The following DCAF5 variants were observed in gnomAD, a reference collection of about 807,000 sequenced individuals.
DCAF5 encodes DDB1 and CUL4 associated factor 5.
DCAF5 carries 9 observed loss-of-function variants against 80.7 expected under a neutral mutation model. The observed-to-expected ratio is 0.11, with a 90% confidence interval of 0.07 to 0.19. The LOEUF (loss-of-function observed/expected upper bound fraction) is 0.19, where lower values mean the gene tolerates loss of function less well. DCAF5 is among the 10% of genes least tolerant of loss of function. The pLI is 1.00. For missense variants in DCAF5, 842 were observed against 1,205.7 expected, an observed-to-expected ratio of 0.70 and a Z score of 4.47; for synonymous variants, 433 against 461.9, an observed-to-expected ratio of 0.94 and a Z score of 0.80.
intron 7 of DCAF5, among the ~76,000 whole-genome samples, chr14:69,063,791 A>G (rs1036226317): frequency 1.3e-5 from 2 of 152,142 alleles, no homozygotes; most frequent in Admixed American, 6.6e-5. Context: ...TGCCACGTAC[A>G]TATCTTTTTT....
chr14:69,122,683 C>T (rs1419687065), intron 1 of DCAF5, among the ~76,000 whole-genome samples: 1 of 152,182 alleles, frequency 6.6e-6, no homozygotes, highest in Admixed American at 6.5e-5. Flanking sequence ...CTACCTAGAA[C>T]CCCTTCATGG....
chr14:69,053,698 T>C lies in DCAF5; in HGVS notation c.*159A>G, dbSNP rs1332373519. On this transcript the variant is annotated 3_prime_UTR_variant, in exon 9 of 9. Coordinates refer to ENST00000341516, the MANE Select transcript of DCAF5 (RefSeq NM_003861.3). ...GCCAGCTAGACATTCAGACCCGTTG[T>C]TGAATGTTGGATAGAAGGGAGCAGC... 15 of 661,262 alleles carry C rather than the reference T, an allele frequency of 2.3e-5. No individual in the cohort carries two copies. The highest frequency in any genetic ancestry group is 1.3e-4 in the South Asian group (6 of 47,174). The allele number at this position is 661,262 out of a possible 1,614,324, so 41.0% of individuals were successfully genotyped here. A position where few individuals can be genotyped will look rare whatever the true frequency, so the allele number is the denominator to read the frequency against.
intron 1 of DCAF5, among the ~76,000 whole-genome samples, chr14:69,142,281 G>A (rs1051817283): frequency 3.9e-5 from 6 of 152,216 alleles, no homozygotes; most frequent in African/African-American, 1.2e-4. Flanking sequence ...CTGAGCAACA[G>A]AGCATGAATA....
At position 69,054,054 on chromosome 14, in the gene DCAF5, G is replaced by T; in HGVS notation, c.2632C>A (p.Leu878Ile). 1.2e-6 allele frequency: 2 copies of T among 1,614,068 alleles called. No individual in the cohort carries two copies. Among genetic ancestry groups the T allele is most frequent in the Non-Finnish European group, 1.7e-6 (2 of 1,179,920 alleles). Residue 878 changes from leucine (L) to isoleucine (I), a missense_variant, in exon 9 of 9, where the codon CTC becomes ATC. Leu to Ile is a conservative substitution (Grantham distance 5). This residue lies in a region of DCAF5 where 607 missense variants were observed against 656.6 expected (regional missense o/e 0.92). Coordinates refer to ENST00000341516, the MANE Select transcript of DCAF5 (RefSeq NM_003861.3). ...DRDNSSLTGT[L>I]LHKDCCGSEM... The stretch of plus-strand genomic sequence containing the variant: ...GACCCGCAACAATCTTTGTGTAGGA[G>T]TGTCCCTGTCAGGGACGAGTTATCA...
At chr14:69,144,920 G>C (rs1202543658) in intron 1 of DCAF5, among the ~76,000 whole-genome samples, 1 of 152,148 alleles carries the variant, frequency 6.6e-6, no homozygotes, top group Non-Finnish European at 1.5e-5. Flanking sequence ...TCCCTTTCCT[G>C]TAAAATGAAA....
Position 69,052,625 on chromosome 14 carries a change from T to G in DCAF5, c.*1232A>C, listed in dbSNP as rs975860626. Reference sequence around the variant, plus strand: ...CTGTATCTACCTCAATAAAACTGAGTCTTTTATGGGAACCAGAAGACTTAA... The same window carrying G: ...CTGTATCTACCTCAATAAAACTGAGGCTTTTATGGGAACCAGAAGACTTAA... On this transcript the variant is annotated 3_prime_UTR_variant, in exon 9 of 9. Coordinates refer to ENST00000341516, the MANE Select transcript of DCAF5 (RefSeq NM_003861.3). The G allele has an allele frequency of 6.6e-6, 1 of 152,236 alleles. No homozygotes were observed. Among genetic ancestry groups the G allele is most frequent in the African/African-American group, 2.4e-5 (1 of 41,406 alleles). 9.4% of individuals were successfully genotyped at this position (152,236 alleles called of 1,614,324 possible).
intron 7 of DCAF5, among the ~76,000 whole-genome samples, chr14:69,065,123 A>C (rs2038382229): frequency 9.6e-6 from 1 of 103,912 alleles, no homozygotes. Context: ...TTTGAGACGG[A>C]GTCTTGCTCT....
intron 5 of DCAF5, among the ~76,000 whole-genome samples, chr14:69,101,886 TA>T (rs1311452172): frequency 1.3e-5 from 2 of 152,020 alleles, no homozygotes; most frequent in Non-Finnish European, 2.9e-5. Context: ...ATAAAAGATT[TA>T]AAAAAATGGT....
chr14:69,064,129 A>T (rs76700614), intron 7 of DCAF5, among the ~76,000 whole-genome samples: 6,368 of 152,256 alleles, frequency 0.042, 171 homozygotes, highest in African/African-American at 0.075. Context: ...AAGCTGGGCC[A>T]GTCAAAATGA....
At position 69,055,163 on chromosome 14, in the gene DCAF5, G is replaced by A. The variant is rs2037912271; in HGVS notation, c.1523C>T (p.Ser508Phe). The change falls in exon 9 of 9, where the codon TCT (serine) becomes TTT (phenylalanine). Residue 508 changes from serine (S) to phenylalanine (F), a missense_variant. By Grantham distance (155) the Ser-to-Phe change is radical (BLOSUM62 -2). Coordinates refer to ENST00000341516, the MANE Select transcript of DCAF5 (RefSeq NM_003861.3). The surrounding 1 kb of genome is among the most constrained non-coding windows in gnomAD (Gnocchi z 5.6). ...CAGAGCAGACAGACGCTGCTGGCGA[G>A]AGGCTGCATCCTCACACGTGGGTGT... ...PPTPTCEDAA[S>F]RQQRLSALRR... 1.9e-6 allele frequency: 3 copies of A among 1,614,158 alleles called. No individual in the cohort carries two copies. Among genetic ancestry groups the A allele is most frequent in the East Asian group, 2.2e-5 (1 of 44,902 alleles).
intron 6 of DCAF5, among the ~76,000 whole-genome samples, chr14:69,080,335 C>T (rs2039055557): frequency 6.6e-6 from 1 of 151,872 alleles, no homozygotes; most frequent in Non-Finnish European, 1.5e-5. Flanking sequence ...TCTAGGCGGG[C>T]CATCTTACAA....
intron 5 of DCAF5, among the ~76,000 whole-genome samples, chr14:69,105,048 T>A (rs11158788): frequency 0.63 from 95,928 of 151,600 alleles, 31,281 homozygotes; most frequent in East Asian, 0.9. Flanking sequence ...GTTTTTTTTT[T>A]AATTATCTTT....
intron 1 of DCAF5, among the ~76,000 whole-genome samples, chr14:69,134,470 A>T (rs541736691): frequency 2.8e-4 from 42 of 152,360 alleles, no homozygotes; most frequent in Non-Finnish European, 5.1e-4. Flanking sequence ...AACTTCTGAA[A>T]TTTGGAGAAC....
intron 5 of DCAF5, among the ~76,000 whole-genome samples, chr14:69,106,993 G>A (rs1214193816): frequency 6.6e-6 from 1 of 152,152 alleles, no homozygotes. Flanking sequence ...AGTGAGCCGA[G>A]ATTGCACCAC....
intron 5 of DCAF5, among the ~76,000 whole-genome samples, chr14:69,103,280 A>G (rs2040027372): frequency 1.3e-5 from 2 of 152,230 alleles, no homozygotes; most frequent in African/African-American, 2.4e-5. Context: ...ACCAAGAAGA[A>G]GTTCTGGAAG....
chr14:69,062,369 G>A lies in DCAF5; in HGVS notation c.1074+15C>T. On this transcript the variant is annotated intron_variant, in intron 8 of 8. Coordinates refer to ENST00000341516, the MANE Select transcript of DCAF5 (RefSeq NM_003861.3). ...GAGAATTTCTCTAAAAGGACAGAAG[G>A]GGAAGGTGCCTCACCTTGATAATCT... The A allele has an allele frequency of 6.2e-7, 1 of 1,612,150 alleles. No individual in the cohort carries two copies. The highest frequency in any genetic ancestry group is 1.1e-5 in the South Asian group (1 of 90,792).
Position 69,055,067 on chromosome 14 carries a change from A to G in DCAF5, c.1619T>C (p.Val540Ala), listed in dbSNP as rs773441355. Reference sequence around the variant, plus strand: ...GGGAAAGAGATCTGTGTCTAGTTCCACCTCACAGACATTCTCCTCAGAATC... The same window carrying G: ...GGGAAAGAGATCTGTGTCTAGTTCCGCCTCACAGACATTCTCCTCAGAATC... ...ESDSEENVCE[V>A]ELDTDLFPRP... Residue 540 changes from valine to alanine, a missense_variant, in exon 9 of 9, where the codon GTG (valine) becomes GCG (alanine). Around this residue, in one of 5 missense-constraint regions of DCAF5, gnomAD observed 607 missense variants for 656.6 expected, o/e 0.92. Transcript: ENST00000341516. The surrounding 1 kb of genome is among the most constrained non-coding windows in gnomAD (Gnocchi z 5.6). The G allele has an allele frequency of 4.3e-6, 7 of 1,614,088 alleles. No homozygotes were observed. The Admixed American group carries it at 1.0e-4, about 23-fold the overall frequency.
rs2037903100 is a variant in DCAF5 at position 69,055,020 on chromosome 14, C to T, written c.1666G>A (p.Glu556Lys). 1.2e-6 allele frequency: 2 copies of T among 1,614,168 alleles called. No individual in the cohort carries two copies. Among genetic ancestry groups the T allele is most frequent in the Middle Eastern group, 1.6e-4 (1 of 6,062 alleles). ...LFPRPRSPSP[E>K]DESSSSSSSS... ...CTGCTGGAACTGCTGGATTCATCTT[C>T]GGGGCTGGGTGACCGTGGCCGGGGA... Residue 556 changes from glutamate (E) to lysine (K), a missense_variant, in exon 9 of 9, where the codon GAA (glutamate) becomes AAA (lysine). Glu to Lys is a moderately conservative substitution (Grantham distance 56, BLOSUM62 1). Transcript: ENST00000341516. The surrounding 1 kb of genome is among the most constrained non-coding windows in gnomAD (Gnocchi z 5.6).
In DCAF5 at chr14:69,091,567, A is replaced by T. The variant is rs1435255004; in HGVS notation, c.879+107T>A. The T allele has an allele frequency of 5.8e-6, 6 of 1,036,672 alleles. No homozygotes were observed. The Admixed American group carries it at 7.0e-5, about 12-fold the overall frequency. The allele number at this position is 1,036,672 out of a possible 1,614,324, so 64.2% of individuals were successfully genotyped here. On this transcript the variant is annotated intron_variant, in intron 6 of 8. Coordinates refer to ENST00000341516, the MANE Select transcript of DCAF5 (RefSeq NM_003861.3). ...CTCCAGGCACTCACTGTTTCCCCTT[A>T]ATTGTTTCTACCTGACATAATGGTA... is the stretch of plus-strand genomic sequence containing the variant.
Sources: gnomAD v4.1 joint callset for allele counts (sites outside exome capture counted in the v4.1 genomes callset) on GRCh38, gnomAD v4.1.1 for gene constraint, gnomAD v4.1.1 regional missense constraint, Gnocchi (gnomAD v3.1) non-coding constraint, MANE v1.5 for transcripts, NCBI Gene and HGNC (gene_info 2026-07-23, HGNC 2026-07-21) for gene names.